Variants in SLC45A4 observed in about 807,000 individuals in gnomAD.
SLC45A4 encodes the protein solute carrier family 45 member 4.
A neutral mutation model predicts 63.7 loss-of-function variants in SLC45A4; 32 were observed. That is an observed-to-expected ratio of 0.50 (90% confidence interval 0.38 to 0.67). The LOEUF (loss-of-function observed/expected upper bound fraction) is 0.67, where lower values mean the gene tolerates loss of function less well. SLC45A4 is among the 30% of genes least tolerant of loss of function. The pLI, the probability that SLC45A4 is intolerant of heterozygous loss-of-function variation, is 0.00. For missense variants in SLC45A4, 1,027 were observed against 1,157.7 expected (o/e 0.89, Z 1.64); for synonymous variants, 535 against 510.0 (o/e 1.05, Z -0.66).
At chr8:141,293,790 G>C (rs1830440918) in intron 1 of SLC45A4, among the ~76,000 whole-genome samples, 1 of 151,810 alleles carries the variant, frequency 6.6e-6, no homozygotes, top group Non-Finnish European at 1.5e-5. Flanking sequence ...AAAATCAGCT[G>C]GGCGTGGTGG....
chr8:141,230,903 C>T (rs1241930830), intron 2 of SLC45A4, among the ~76,000 whole-genome samples: 1 of 152,226 alleles, frequency 6.6e-6, no homozygotes, highest in Non-Finnish European at 1.5e-5. Context: ...GCCTGCCCCA[C>T]CCGGGGATCC....
intron 7 of SLC45A4, among the ~76,000 whole-genome samples, chr8:141,214,455 A>T (rs1311548129): frequency 1.3e-5 from 2 of 152,214 alleles, no homozygotes; most frequent in African/African-American, 2.4e-5. Context: ...GGCATGTCAC[A>T]CTGATGCACT....
At chr8:141,277,697 T>C (rs554003374) in intron 1 of SLC45A4, among the ~76,000 whole-genome samples, 3 of 152,174 alleles carry the variant, frequency 2.0e-5, no homozygotes, top group East Asian at 1.9e-4. Context: ...TGGAGTGCAG[T>C]GGGGCGATCT....
Position 141,218,319 on chromosome 8 carries a change from G to A in SLC45A4, c.1321C>T (p.Arg441Trp), listed in dbSNP as rs761081931. Reference sequence around the variant, plus strand: ...ATCAGCACCACGGCGTTGGCGCGCCGGTAGCGGTAGCAGTGGGACCCAAGC... The same window carrying A: ...ATCAGCACCACGGCGTTGGCGCGCCAGTAGCGGTAGCAGTGGGACCCAAGC... ...GKLGSHCYRYRRANAVVLIKP... is the reference protein window; with the variant it reads ...GKLGSHCYRYWRANAVVLIKP... The change falls in exon 5 of 9, where the codon CGG becomes TGG. Residue 441 changes from arginine to tryptophan, a missense_variant. Transcript: ENST00000517878. The A allele has an allele frequency of 8.1e-6, 13 of 1,607,118 alleles. No homozygotes were observed. The highest frequency in any genetic ancestry group is 1.3e-5 in the African/African-American group (1 of 74,944).
At chr8:141,211,891 A>G (rs902386028) in intron 8 of SLC45A4, 194 bp from the exon 9 acceptor site, 100 of 1,253,936 alleles carry the variant, frequency 8.0e-5, no homozygotes, top group Non-Finnish European at 1.0e-4. Context: ...CATGCAGAAT[A>G]ATACACCTGC....
chr8:141,282,503 G>A (rs11781379), intron 1 of SLC45A4, among the ~76,000 whole-genome samples: 170 of 152,200 alleles, frequency 1.1e-3, no homozygotes, highest in African/African-American at 3.7e-3. Context: ...CTCAGGGCAC[G>A]CCGCCTCCAT....
chr8:141,230,139 C>T (rs1194537449), intron 2 of SLC45A4: 2 of 456,042 alleles, frequency 4.4e-6, no homozygotes, highest in Non-Finnish European at 8.8e-6. Context: ...ACACAGCCGG[C>T]CCGGTGAGTA....
In SLC45A4 at chr8:141,218,485, G is replaced by T. The variant is rs763404726; in HGVS notation, c.1155C>A (p.Asn385Lys). The change falls in exon 5 of 9, where the codon AAC (asparagine) becomes AAA (lysine). Residue 385 changes from asparagine (N) to lysine (K), a missense_variant. Physicochemically the swap from Asn to Lys is moderately conservative, Grantham distance 94. Coordinates refer to ENST00000517878, the MANE Select transcript of SLC45A4 (RefSeq NM_001286646.2). Reference sequence around the variant, plus strand: ...CGTCTTTTGTGGGGGAGCCACTTCCGTTTGGGACTTTAGCTTCATTCAAGT... The same window carrying T: ...CGTCTTTTGTGGGGGAGCCACTTCCTTTTGGGACTTTAGCTTCATTCAAGT... ...DNHLNEAKVP[N>K]GSGSPTKDAL... 6.2e-7 allele frequency: 1 copy of T among 1,613,346 alleles called. No homozygotes were observed.
chr8:141,211,094 G>A lies in SLC45A4; in HGVS notation c.*478C>T, dbSNP rs113055967. On this transcript the variant is annotated 3_prime_UTR_variant, in exon 9 of 9. Transcript: ENST00000517878. ...AGGTTCCAGCACGCATGTCCCCTTC[G>A]CAAGCGGGGGAGGCCCTCGCACATC... 5.1e-4 allele frequency: 108 copies of A among 210,686 alleles called. No homozygotes were observed. Among genetic ancestry groups the A allele is most frequent in the Non-Finnish European group, 8.4e-4 (89 of 105,650 alleles). The allele number at this position is 210,686 out of a possible 1,614,324, so 13.1% of individuals were successfully genotyped here. A position where few individuals can be genotyped will look rare whatever the true frequency, so the allele number is the denominator to read the frequency against.
At chr8:141,259,910 A>C (rs1327775907) in intron 1 of SLC45A4, among the ~76,000 whole-genome samples, 1 of 152,224 alleles carries the variant, frequency 6.6e-6, no homozygotes, top group African/African-American at 2.4e-5. Flanking sequence ...ATCAGCTGAT[A>C]GTTACTATGG....
At chr8:141,294,460 A>G (rs547422378) in intron 1 of SLC45A4, among the ~76,000 whole-genome samples, 1 of 152,346 alleles carries the variant, frequency 6.6e-6, no homozygotes, top group East Asian at 1.9e-4. Context: ...CTGCAGGCAG[A>G]TGGCCAGTGG....
chr8:141,261,931 A>C (rs1209704339), intron 1 of SLC45A4, among the ~76,000 whole-genome samples: 2 of 152,254 alleles, frequency 1.3e-5, no homozygotes, highest in African/African-American at 4.8e-5. Context: ...CCAAAAGAAC[A>C]AAGCTGGAGG....
At chr8:141,283,646 C>CT (rs1055195380) in intron 1 of SLC45A4, among the ~76,000 whole-genome samples, 37 of 152,222 alleles carry the variant, frequency 2.4e-4, no homozygotes, top group Non-Finnish European at 2.9e-5. Flanking sequence ...AGTGCAAAGC[C>CT]TCAAGGATTT....
At position 141,217,100 on chromosome 8, in the gene SLC45A4, A is replaced by G; in HGVS notation, c.1719T>C (p.Ala573=). ...WGLVIYAATG[A]ICSALLQKYL... Reference sequence around the variant, plus strand: ...TTGGGGAGCTCTTACCTGAACAAATAGCACCAGTGGCGGCATAAATGACCA... The same window carrying G: ...TTGGGGAGCTCTTACCTGAACAAATGGCACCAGTGGCGGCATAAATGACCA... Residue 573 remains alanine (A), a synonymous_variant, in exon 6 of 9, where the codon GCT becomes GCC. Coordinates refer to ENST00000517878, the MANE Select transcript of SLC45A4 (RefSeq NM_001286646.2). The G allele has an allele frequency of 6.2e-7, 1 of 1,613,968 alleles. No individual in the cohort carries two copies. The highest frequency in any genetic ancestry group is 8.5e-7 in the Non-Finnish European group (1 of 1,179,990).
chr8:141,285,761 T>C (rs993784131), intron 1 of SLC45A4, among the ~76,000 whole-genome samples: 1 of 152,180 alleles, frequency 6.6e-6, no homozygotes, highest in South Asian at 2.1e-4. Context: ...AAACGCCCCG[T>C]GCCCCCTTCT....
At chr8:141,262,326 A>G (rs1356060989) in intron 1 of SLC45A4, among the ~76,000 whole-genome samples, 1 of 149,552 alleles carries the variant, frequency 6.7e-6, no homozygotes, top group Admixed American at 6.7e-5. Context: ...TCATGTCTAA[A>G]ACACCAAAAG....
chr8:141,285,754 C>T (rs537227023), intron 1 of SLC45A4, among the ~76,000 whole-genome samples: 21 of 152,354 alleles, frequency 1.4e-4, no homozygotes, highest in South Asian at 2.1e-4. Context: ...GGTCTGCAAA[C>T]GCCCCGTGCC....
In SLC45A4 at chr8:141,210,944, G is replaced by A. The variant is rs1825769899; in HGVS notation, c.*628C>T. ...GAGTTTTGCTTATTCGTTGAAACCA[G>A]AACGACTGTGCGGAGCCCTCCGGTG... On this transcript the variant is annotated 3_prime_UTR_variant, in exon 9 of 9. Coordinates refer to ENST00000517878, the MANE Select transcript of SLC45A4 (RefSeq NM_001286646.2). 6.5e-6 allele frequency: 1 copy of A among 153,290 alleles called. No homozygotes were observed. The highest frequency in any genetic ancestry group is 6.5e-5 in the Admixed American group (1 of 15,302). 9.5% of individuals were successfully genotyped at this position (153,290 alleles called of 1,614,324 possible). A position where few individuals can be genotyped will look rare whatever the true frequency, so the allele number is the denominator to read the frequency against.
chr8:141,297,652 G>C (rs987490979), intron 1 of SLC45A4, among the ~76,000 whole-genome samples: 1 of 152,182 alleles, frequency 6.6e-6, no homozygotes, highest in Non-Finnish European at 1.5e-5. Flanking sequence ...AACCAACCCG[G>C]GACTGACAGC....
Sources: gnomAD v4.1 joint callset for allele counts (sites outside exome capture counted in the v4.1 genomes callset) on GRCh38, gnomAD v4.1.1 for gene constraint, MANE v1.5 for transcripts, NCBI Gene and HGNC (gene_info 2026-07-23, HGNC 2026-07-21) for gene names.